The following SLIT3 variants were observed in gnomAD, a reference collection of about 807,000 sequenced individuals.
SLIT3 encodes the protein slit guidance ligand 3.
Under a neutral mutation model 184.0 loss-of-function variants are expected in SLIT3, and 68 were observed. The observed-to-expected ratio is 0.37, with a 90% CI of 0.30 to 0.45. The LOEUF (loss-of-function observed/expected upper bound fraction) is 0.45. SLIT3 is among the 20% of genes least tolerant of loss of function. SLIT3 has a pLI of 1.00. For synonymous variants in SLIT3, 831 were observed against 828.6 expected (o/e 1.00, Z -0.05); for missense variants, 1,707 against 2,026.0 (o/e 0.84, Z 3.02).
intron 10 of SLIT3, chr5:168,792,185 G>C (rs980627423): frequency 5.3e-5 from 8 of 152,186 alleles, no homozygotes; most frequent in Non-Finnish European, 1.0e-4. Flanking sequence ...TGAGCTGGAA[G>C]GCAGATGGGA....
intron 4 of SLIT3, among the ~76,000 whole-genome samples, chr5:169,140,044 G>A (rs1761667069): frequency 6.6e-6 from 1 of 152,090 alleles, no homozygotes. Flanking sequence ...CTTCCTGGTG[G>A]AGGAATCTCT....
intron 1 of SLIT3, among the ~76,000 whole-genome samples, chr5:169,270,178 A>G (rs1766549457): frequency 1.3e-5 from 2 of 152,222 alleles, no homozygotes; most frequent in South Asian, 4.1e-4. Context: ...AGTGTCCCCA[A>G]GTCATCCAGC....
intron 16 of SLIT3, among the ~76,000 whole-genome samples, chr5:168,754,838 C>G (rs1754839700): frequency 6.6e-6 from 1 of 152,118 alleles, no homozygotes; most frequent in African/African-American, 2.4e-5. Context: ...GGGGGACTGA[C>G]AGAGTTAAAA....
intron 4 of SLIT3, among the ~76,000 whole-genome samples, chr5:168,919,352 C>G (rs1273230667): frequency 6.6e-6 from 1 of 151,904 alleles, no homozygotes; most frequent in Non-Finnish European, 1.5e-5. Context: ...ATTTAAATCT[C>G]TATCAATGAT....
intron 6 of SLIT3, among the ~76,000 whole-genome samples, chr5:168,835,628 G>A (rs1051470795): frequency 1.3e-5 from 2 of 151,928 alleles, no homozygotes; most frequent in Admixed American, 6.6e-5. Flanking sequence ...GGCCAACGTG[G>A]TGAAACCCCG....
At chr5:169,069,965 C>T (rs892737000) in intron 4 of SLIT3, among the ~76,000 whole-genome samples, 3 of 152,150 alleles carry the variant, frequency 2.0e-5, no homozygotes, top group Non-Finnish European at 4.4e-5. Flanking sequence ...AAGGTTACTC[C>T]ACGTGCAGTG....
chr5:169,119,099 CAT>C (rs1760788903), intron 4 of SLIT3, among the ~76,000 whole-genome samples: 1 of 152,174 alleles, frequency 6.6e-6, no homozygotes, highest in Non-Finnish European at 1.5e-5. Flanking sequence ...TCTACTAAAC[CAT>C]GATACTTGGA....
rs9968770 is a variant in SLIT3 at position 169,021,878 on chromosome 5, A to T, written c.414-138542T>A. ...ATCCACATGGAGCTATTTGAGGTCA[A>T]TTAAAATGAAACATTCAGTTCATTG... On this transcript the variant is annotated intron_variant, in intron 4 of 35. Coordinates refer to ENST00000519560, the MANE Select transcript of SLIT3 (RefSeq NM_003062.4). Among the ~76,000 whole-genome samples, 1,336 of 152,362 alleles carry T rather than the reference A, an allele frequency of 8.8e-3. 22 individuals carry two copies. Among genetic ancestry groups the T allele is most frequent in the African/African-American group, 0.031 (1,273 of 41,574 alleles).
chr5:169,109,592 A>T (rs1760338497), intron 4 of SLIT3, among the ~76,000 whole-genome samples: 1 of 152,210 alleles, frequency 6.6e-6, no homozygotes, highest in Non-Finnish European at 1.5e-5. Context: ...ATTGAAAATG[A>T]ATACAGCCTC....
chr5:169,067,534 CT>C (rs1758401229), intron 4 of SLIT3, among the ~76,000 whole-genome samples: 1 of 152,262 alleles, frequency 6.6e-6, no homozygotes, highest in African/African-American at 2.4e-5. Flanking sequence ...GAAGTGGATG[CT>C]GCAAGTTTGA....
chr5:168,884,678 C>T (rs1760123373), intron 4 of SLIT3, among the ~76,000 whole-genome samples: 2 of 149,396 alleles, frequency 1.3e-5, no homozygotes, highest in Admixed American at 6.7e-5. Context: ...ATTAATAGTG[C>T]ATTGATATCA....
chr5:168,985,778 G>A (rs983384812), intron 4 of SLIT3, among the ~76,000 whole-genome samples: 4 of 152,180 alleles, frequency 2.6e-5, no homozygotes, highest in African/African-American at 7.2e-5. Context: ...GTGAGGAGAG[G>A]GCTCCTCTCT....
intron 4 of SLIT3, among the ~76,000 whole-genome samples, chr5:169,155,119 G>C (rs772873023): frequency 6.6e-6 from 1 of 152,164 alleles, no homozygotes; most frequent in Non-Finnish European, 1.5e-5. Context: ...TGCAGTTTTT[G>C]GTAACCTAGC....
At chr5:168,741,478 C>CAAAAA (rs3061744) in intron 20 of SLIT3, among the ~76,000 whole-genome samples, 2 of 81,624 alleles carry the variant, frequency 2.5e-5, no homozygotes, top group Non-Finnish European at 4.5e-5. Flanking sequence ...GACTCGGTCT[C>CAAAAA]AAAAAAAAAA....
rs117900980 is a variant in SLIT3 at position 169,258,839 on chromosome 5, T to A, written c.198-7380A>T. Among the ~76,000 whole-genome samples the A allele has an allele frequency of 3.7e-3, 568 of 152,280 alleles. 17 individuals carry two copies. In the East Asian group the frequency reaches 0.073, roughly 20 times the overall value. ...AAAATTTTCTTCCAGCTGTGGCACA[T>A]CTGGGAAGAGCAAGGAGTGAAAAAA... On this transcript the variant is annotated intron_variant, in intron 1 of 35. Coordinates refer to ENST00000519560, the MANE Select transcript of SLIT3 (RefSeq NM_003062.4).
intron 1 of SLIT3, among the ~76,000 whole-genome samples, chr5:169,266,190 A>C (rs986042393): frequency 3.9e-5 from 6 of 152,202 alleles, no homozygotes; most frequent in Non-Finnish European, 5.9e-5. Flanking sequence ...ATAGGAGAGC[A>C]CATGATAAAA....
At chr5:168,741,062 T>C (rs1305546129) in intron 20 of SLIT3, among the ~76,000 whole-genome samples, 1 of 152,112 alleles carries the variant, frequency 6.6e-6, no homozygotes, top group African/African-American at 2.4e-5. Context: ...AAACTCACGG[T>C]GGACATGAAC....
In SLIT3 at chr5:169,181,523, C is replaced by T. The variant is rs189089862; in HGVS notation, c.413+11956G>A. On this transcript the variant is annotated intron_variant, in intron 4 of 35. Coordinates refer to ENST00000519560, the MANE Select transcript of SLIT3 (RefSeq NM_003062.4). ...TTGGGAGGCTGAGGTGGGCGGATCA[C>T]GAGGTCAAGAGATCGAGACCATCCT... Among the ~76,000 whole-genome samples, 417 of 152,152 alleles carry T rather than the reference C, an allele frequency of 2.7e-3. 2 individuals carry two copies. Among genetic ancestry groups the T allele is most frequent in the African/African-American group, 9.6e-3 (398 of 41,516 alleles).
At chr5:169,203,391 C>A (rs1301134872) in intron 3 of SLIT3, among the ~76,000 whole-genome samples, 4 of 123,534 alleles carry the variant, frequency 3.2e-5, no homozygotes, top group African/African-American at 9.7e-5. Flanking sequence ...ACACACACAG[C>A]AGATAATAAT....
Sources: allele counts gnomAD v4.1 joint callset (sites outside exome capture counted in the v4.1 genomes callset), GRCh38; gene constraint gnomAD v4.1.1; transcripts MANE v1.5; gene names NCBI Gene and HGNC (gene_info 2026-07-23, HGNC 2026-07-21).